The following RPS6KA5 variants were observed in gnomAD, a reference collection of about 807,000 sequenced individuals.
The protein encoded by RPS6KA5 is ribosomal protein S6 kinase A5, also known as ribosomal protein S6 kinase alpha-5.
A neutral mutation model predicts 85.5 loss-of-function variants in RPS6KA5; 27 were observed. The observed-to-expected ratio is 0.32, with a 90% CI of 0.23 to 0.44. The LOEUF is 0.44. Among genes scored for constraint, RPS6KA5 ranks in the 20% least tolerant of loss-of-function variants. RPS6KA5 has a pLI of 1.00. For synonymous variants in RPS6KA5, 334 were observed against 348.2 expected (o/e 0.96, Z 0.46); for missense variants, 811 against 980.9 (o/e 0.83, Z 2.31).
intron 12 of RPS6KA5, among the ~76,000 whole-genome samples, chr14:90,895,411 A>C (rs897582636): frequency 6.6e-6 from 1 of 152,156 alleles, no homozygotes; most frequent in Non-Finnish European, 1.5e-5. Context: ...TCCTGTTAGG[A>C]CTCAACAGAT....
At chr14:90,998,392 A>C (rs2040627680) in intron 2 of RPS6KA5, among the ~76,000 whole-genome samples, 1 of 152,240 alleles carries the variant, frequency 6.6e-6, no homozygotes, top group Non-Finnish European at 1.5e-5. Flanking sequence ...TAAAGTTGTT[A>C]CCAAGAAAGC....
rs556180065 is a variant in RPS6KA5 at position 91,028,084 on chromosome 14, G to A, written c.104-26925C>T. On this transcript the variant is annotated intron_variant, in intron 1 of 16. Transcript: ENST00000614987. Reference sequence around the variant, plus strand: ...ATGCAGTAAGACCTGTCAAATAAATGTAATATTTTATTTGGCCAAATGATG... The same window carrying A: ...ATGCAGTAAGACCTGTCAAATAAATATAATATTTTATTTGGCCAAATGATG... Among the ~76,000 whole-genome samples the A allele has an allele frequency of 2.6e-5, 4 of 152,272 alleles. No homozygotes were observed. In the South Asian group the frequency reaches 8.3e-4, roughly 32 times the overall value.
chr14:90,907,013 A>T (rs1387071920), intron 7 of RPS6KA5, among the ~76,000 whole-genome samples: 1 of 152,188 alleles, frequency 6.6e-6, no homozygotes, highest in Non-Finnish European at 1.5e-5. Context: ...ATGGTAATAA[A>T]GTTTCTTGAT....
chr14:90,897,105 A>G (rs2034882844), intron 12 of RPS6KA5, among the ~76,000 whole-genome samples: 1 of 152,154 alleles, frequency 6.6e-6, no homozygotes, highest in African/African-American at 2.4e-5. Flanking sequence ...CAGGCATTAG[A>G]TTCTTATAAG....
intron 3 of RPS6KA5, among the ~76,000 whole-genome samples, chr14:90,962,334 C>G (rs1452393279): frequency 6.6e-6 from 1 of 151,074 alleles, no homozygotes; most frequent in Non-Finnish European, 1.5e-5. Context: ...GACAGAGTCT[C>G]ACTCTCTTGC....
chr14:91,040,166 G>T (rs1208339358), intron 1 of RPS6KA5, among the ~76,000 whole-genome samples: 2 of 152,220 alleles, frequency 1.3e-5, no homozygotes, highest in Non-Finnish European at 2.9e-5. Flanking sequence ...CAACACTTTG[G>T]GAGGCTGAGG....
At position 90,992,797 on chromosome 14, in the gene RPS6KA5, T is replaced by C. The variant is rs979505611; in HGVS notation, c.175+8291A>G. 5.3e-5 allele frequency among the ~76,000 whole-genome samples: 8 copies of C among 152,294 alleles called. No individual in the cohort carries two copies. The South Asian group carries it at 1.4e-3, about 28-fold the overall frequency. ...TACTGACCAATCTCTTTAACAGTTA[T>C]AGGACTATGTAGGTTTCTCACACCT... On this transcript the variant is annotated intron_variant, in intron 2 of 16. Transcript: ENST00000614987.
chr14:90,934,471 CCTTT>C (rs1233298332), intron 5 of RPS6KA5, among the ~76,000 whole-genome samples: 1 of 152,052 alleles, frequency 6.6e-6, no homozygotes, highest in African/African-American at 2.4e-5. Context: ...GAATCATTTT[CCTTT>C]CTTTCTTAGA....
At chr14:91,025,896 A>G (rs2139815277) in intron 1 of RPS6KA5, among the ~76,000 whole-genome samples, 1 of 152,012 alleles carries the variant, frequency 6.6e-6, no homozygotes, top group South Asian at 2.1e-4. Context: ...GTTATGAGTT[A>G]TACAGTGTAA....
chr14:91,006,789 G>A (rs560506696), intron 1 of RPS6KA5, among the ~76,000 whole-genome samples: 2 of 151,786 alleles, frequency 1.3e-5, no homozygotes, highest in Non-Finnish European at 2.9e-5. Context: ...AGCTGGTCTC[G>A]AACTCCTGAC....
chr14:90,904,582 T>C (rs2035397291), intron 8 of RPS6KA5, among the ~76,000 whole-genome samples: 1 of 152,204 alleles, frequency 6.6e-6, no homozygotes, highest in South Asian at 2.1e-4. Flanking sequence ...AACTTGTGCT[T>C]GGCCATTGTA....
intron 3 of RPS6KA5, among the ~76,000 whole-genome samples, chr14:90,962,504 C>T (rs903802409): frequency 4.6e-5 from 7 of 151,982 alleles, no homozygotes; most frequent in African/African-American, 1.5e-4. Flanking sequence ...CCTGGCTGGT[C>T]TCGAACTCCT....
At chr14:90,908,178 A>C (rs986795758) in intron 7 of RPS6KA5, among the ~76,000 whole-genome samples, 1 of 152,232 alleles carries the variant, frequency 6.6e-6, no homozygotes, top group South Asian at 2.1e-4. Context: ...CATCCTCAAA[A>C]GGAGGAGTAC....
At chr14:91,009,883 CA>C (rs1376591793) in intron 1 of RPS6KA5, among the ~76,000 whole-genome samples, 1 of 151,782 alleles carries the variant, frequency 6.6e-6, no homozygotes, top group Non-Finnish European at 1.5e-5. Context: ...AGTTATGAGG[CA>C]AGAAGAAAAA....
At chr14:90,943,580 CCT>C (rs1566773055) in intron 4 of RPS6KA5, among the ~76,000 whole-genome samples, 1 of 152,164 alleles carries the variant, frequency 6.6e-6, no homozygotes, top group Non-Finnish European at 1.5e-5. Context: ...AACCAGATCC[CCT>C]GTCATTTCCT....
chr14:90,960,328 A>G (rs1156723951), intron 3 of RPS6KA5, among the ~76,000 whole-genome samples: 1 of 152,204 alleles, frequency 6.6e-6, no homozygotes, highest in Non-Finnish European at 1.5e-5. Flanking sequence ...GAAACAACAA[A>G]TAAGACAAAA....
At chr14:91,047,243 A>T (rs1300167517) in intron 1 of RPS6KA5, among the ~76,000 whole-genome samples, 1 of 152,230 alleles carries the variant, frequency 6.6e-6, no homozygotes, top group East Asian at 1.9e-4. Flanking sequence ...AAGAAGAAAG[A>T]ACAAGGGCAC....
At chr14:91,050,074 C>G (rs554386115) in intron 1 of RPS6KA5, among the ~76,000 whole-genome samples, 15 of 152,314 alleles carry the variant, frequency 9.8e-5, no homozygotes, top group African/African-American at 3.6e-4. Flanking sequence ...TCATACATAA[C>G]TACAACTGTC....
intron 4 of RPS6KA5, among the ~76,000 whole-genome samples, chr14:90,943,474 C>A (rs1239998876): frequency 1.7e-4 from 26 of 152,104 alleles, no homozygotes; most frequent in Non-Finnish European, 3.4e-4. Flanking sequence ...TGTCTCTATT[C>A]TTCCTAGTTC....
Sources: gnomAD v4.1 joint callset for allele counts (sites outside exome capture counted in the v4.1 genomes callset) on GRCh38, gnomAD v4.1.1 for gene constraint, MANE v1.5 for transcripts, NCBI Gene and HGNC (gene_info 2026-07-23, HGNC 2026-07-21) for gene names.